Variants in EYS observed in about 807,000 individuals in gnomAD.
The protein encoded by EYS is EGF-like photoreceptor maintenance factor, also known as protein eyes shut homolog.
A neutral mutation model predicts 282.1 loss-of-function variants in EYS; 250 were observed. The ratio of observed to expected loss-of-function variants is 0.89; its 90% CI spans 0.80 to 0.98. The LOEUF is 0.98. Ranked by LOEUF, EYS falls within the 50% of genes least tolerant of loss-of-function variation. EYS has a pLI of 0.00. For missense variants in EYS, 4,016 were observed against 3,709.0 expected, an observed-to-expected ratio of 1.08 and a Z score of -2.15; for synonymous variants, 1,355 against 1,282.9, an observed-to-expected ratio of 1.06 and a Z score of -1.20.
intron 14 of EYS, among the ~76,000 whole-genome samples, chr6:64,967,893 A>G (rs1197969039): frequency 6.6e-6 from 1 of 152,146 alleles, no homozygotes; most frequent in Non-Finnish European, 1.5e-5. Flanking sequence ...TTAATTTTTT[A>G]AAATAACCAC....
intron 22 of EYS, among the ~76,000 whole-genome samples, chr6:64,717,623 G>C (rs1771441812): frequency 6.6e-6 from 1 of 152,182 alleles, no homozygotes; most frequent in Non-Finnish European, 1.5e-5. Context: ...TGGTACCTAA[G>C]AGGCCATGAA....
chr6:64,736,230 T>G (rs1347124643), intron 22 of EYS, among the ~76,000 whole-genome samples: 1 of 152,118 alleles, frequency 6.6e-6, no homozygotes, highest in Non-Finnish European at 1.5e-5. Context: ...TTACATGTTT[T>G]AAGAAACTTC....
intron 22 of EYS, among the ~76,000 whole-genome samples, chr6:64,762,765 C>T (rs146273587): frequency 1.3e-5 from 2 of 152,096 alleles, no homozygotes; most frequent in East Asian, 1.9e-4. Flanking sequence ...GTATTTGGGT[C>T]TTTTTCTTTG....
At chr6:63,898,381 C>T (rs1450032824) in intron 35 of EYS, among the ~76,000 whole-genome samples, 2 of 152,024 alleles carry the variant, frequency 1.3e-5, no homozygotes, top group African/African-American at 4.8e-5. Flanking sequence ...ATCCCAGCTG[C>T]TCAGGAGGCT....
chr6:64,450,058 T>G (rs1775268184), intron 26 of EYS, among the ~76,000 whole-genome samples: 1 of 151,828 alleles, frequency 6.6e-6, no homozygotes. Flanking sequence ...AGGCACAACC[T>G]GGCAAATTGG....
chr6:64,761,050 T>G (rs1773140651), intron 22 of EYS, among the ~76,000 whole-genome samples: 1 of 152,226 alleles, frequency 6.6e-6, no homozygotes, highest in Non-Finnish European at 1.5e-5. Context: ...TGTCACATTT[T>G]TCTACCATCA....
chr6:64,862,914 C>T (rs1055931443), intron 19 of EYS, among the ~76,000 whole-genome samples: 1 of 152,022 alleles, frequency 6.6e-6, no homozygotes, highest in East Asian at 1.9e-4. Flanking sequence ...TTCCATGAGA[C>T]TTCGTGATAC....
At chr6:65,450,366 A>C (rs1687748031) in intron 5 of EYS, among the ~76,000 whole-genome samples, 1 of 152,116 alleles carries the variant, frequency 6.6e-6, no homozygotes, top group African/African-American at 2.4e-5. Context: ...TTTTATATAT[A>C]ATTATTTTTA....
intron 2 of EYS, among the ~76,000 whole-genome samples, chr6:65,568,538 C>T (rs1474650678): frequency 6.6e-6 from 1 of 152,122 alleles, no homozygotes; most frequent in African/African-American, 2.4e-5. Context: ...CTTTTTAACA[C>T]ATGTTTATGT....
intron 29 of EYS, among the ~76,000 whole-genome samples, chr6:64,371,431 A>C (rs1772367824): frequency 6.6e-6 from 1 of 151,264 alleles, no homozygotes; most frequent in African/African-American, 2.4e-5. Flanking sequence ...TTTATGCCTG[A>C]TTGTGTGGGT....
At chr6:64,057,143 AC>A (rs1423778332) in intron 33 of EYS, among the ~76,000 whole-genome samples, 1 of 152,240 alleles carries the variant, frequency 6.6e-6, no homozygotes, top group East Asian at 1.9e-4. Context: ...TTGGCTCAAT[AC>A]CAGTACCTGT....
chr6:63,900,730 G>C (rs532269641), intron 35 of EYS, among the ~76,000 whole-genome samples: 2 of 152,302 alleles, frequency 1.3e-5, no homozygotes, highest in East Asian at 3.9e-4. Context: ...TGGAGTGAAA[G>C]CTCTGATTTT....
chr6:64,605,384 T>C (rs1362055472), intron 24 of EYS, among the ~76,000 whole-genome samples: 1 of 151,988 alleles, frequency 6.6e-6, no homozygotes, highest in East Asian at 1.9e-4. Flanking sequence ...TTGTTTTTAA[T>C]TTAAATTTAA....
At chr6:65,302,429 A>G (rs1768869272) in intron 11 of EYS, 2 of 633,204 alleles carry the variant, frequency 3.2e-6, no homozygotes, top group Admixed American at 5.7e-5. Context: ...GGAAGATTAA[A>G]CCCATTTCAC....
chr6:64,536,618 G>A (rs187700844), intron 26 of EYS, among the ~76,000 whole-genome samples: 10 of 152,072 alleles, frequency 6.6e-5, no homozygotes, highest in Non-Finnish European at 1.5e-4. Flanking sequence ...CCCAAAATTT[G>A]GGTAATGCAT....
At chr6:65,074,737 A>T (rs1036516100) in intron 12 of EYS, among the ~76,000 whole-genome samples, 2 of 152,026 alleles carry the variant, frequency 1.3e-5, no homozygotes, top group African/African-American at 4.8e-5. Context: ...AACATTTTGA[A>T]GAAAGTTTTA....
chr6:65,366,358 C>T (rs1345350723), intron 8 of EYS, among the ~76,000 whole-genome samples: 2 of 151,670 alleles, frequency 1.3e-5, no homozygotes, highest in Non-Finnish European at 2.9e-5. Context: ...AGATATGCAA[C>T]TAACTAAACA....
intron 22 of EYS, among the ~76,000 whole-genome samples, chr6:64,704,258 GTTTAAT>G (rs946822315): frequency 6.7e-6 from 1 of 148,668 alleles, no homozygotes; most frequent in Non-Finnish European, 1.5e-5. Flanking sequence ...TCTGTACTTT[GTTTAAT>G]TTTAATGAGT....
intron 10 of EYS, among the ~76,000 whole-genome samples, chr6:65,337,219 G>A (rs1325791179): frequency 6.6e-6 from 1 of 151,480 alleles, no homozygotes; most frequent in Non-Finnish European, 1.5e-5. Context: ...CTACTAGGAA[G>A]TAGAATAGTT....
Sources: gnomAD v4.1 joint callset for allele counts (sites outside exome capture counted in the v4.1 genomes callset) on GRCh38, gnomAD v4.1.1 for gene constraint, MANE v1.5 for transcripts, NCBI Gene and HGNC (gene_info 2026-07-23, HGNC 2026-07-21) for gene names.